Variants in SLC35E1 observed in about 807,000 individuals in gnomAD.
The protein encoded by SLC35E1 is solute carrier family 35, member E1.
In SLC35E1, 12 loss-of-function variants were observed where a neutral mutation model predicts 31.0. The ratio of observed to expected loss-of-function variants is 0.39; its 90% CI spans 0.25 to 0.63. SLC35E1 has a LOEUF of 0.63. SLC35E1 is among the 20% of genes least tolerant of loss of function. The pLI is 0.52. For missense variants in SLC35E1, 429 were observed against 572.2 expected (o/e 0.75, Z 2.55); for synonymous variants, 257 against 264.1 (o/e 0.97, Z 0.26).
rs111361593 is a variant in SLC35E1, at chr19:16,565,490, G to C, written c.756+1042C>G. 473 of 176,820 alleles carry C rather than the reference G, an allele frequency of 2.7e-3. 4 individuals carry two copies. Among genetic ancestry groups the C allele is most frequent in the African/African-American group, 0.011 (463 of 41,576 alleles). 11.0% of individuals were successfully genotyped at this position (176,820 alleles called of 1,614,324 possible). A position where few individuals can be genotyped will look rare whatever the true frequency, so the allele number is the denominator to read the frequency against. On this transcript the variant is annotated intron_variant, in intron 4 of 5. Coordinates refer to ENST00000595753, the MANE Select transcript of SLC35E1 (RefSeq NM_024881.5). ...CTCCCAAAGTGCTGGGATTATAGGC[G>C]TAAGCCACCACACCCAGGCAGCGCA...
In SLC35E1 at chr19:16,555,845, G is replaced by A. The variant is rs1336859496; in HGVS notation, c.757-448C>T. On this transcript the variant is annotated intron_variant, in intron 4 of 5. Coordinates refer to ENST00000595753, the MANE Select transcript of SLC35E1 (RefSeq NM_024881.5). The surrounding 1 kb of genome is among the most constrained non-coding windows in gnomAD (Gnocchi z 4.1). ...GCCACGGGTCTGCACCTATTGCTGC[G>A]AGGATGAACAGAATCATGGCTTTTG... The A allele has an allele frequency of 2.4e-5, 3 of 126,556 alleles. No homozygotes were observed. Among genetic ancestry groups the A allele is most frequent in the Admixed American group, 1.3e-4 (2 of 15,118 alleles). 7.8% of individuals were successfully genotyped at this position (126,556 alleles called of 1,614,324 possible).
At chr19:16,553,974 C>A in intron 5 of SLC35E1, 65 bp from the exon 6 acceptor site, 1 of 1,414,540 alleles carries the variant, frequency 7.1e-7, no homozygotes, top group South Asian at 1.4e-5. Context: ...AATTCAAAGT[C>A]AATCAACTGG....
intron 3 of SLC35E1, 122 bp downstream of exon 3, chr19:16,567,910 A>C (rs1599322009): frequency 7.5e-7 from 1 of 1,333,722 alleles, no homozygotes; most frequent in East Asian, 2.7e-5. Flanking sequence ...CAGAATGGCA[A>C]TCAAGATTTT....
chr19:16,566,570 G>T lies in SLC35E1; in HGVS notation c.718C>A (p.Leu240Met). The change falls in exon 4 of 6, where the codon CTG becomes ATG. Residue 240 changes from leucine (L) to methionine (M), a missense_variant. Leu to Met is a conservative substitution (Grantham distance 15). Transcript: ENST00000595753. ...ACCAGGAAAGCCGAGAGGTCCACCA[G>T]AACCCAGGTGGGGATCATAAAGAAG... Reference protein sequence around the residue: ...AVFFMIPTWVLVDLSAFLVSS... With the variant: ...AVFFMIPTWVMVDLSAFLVSS... The T allele has an allele frequency of 6.2e-7, 1 of 1,612,790 alleles. No homozygotes were observed. Among genetic ancestry groups the T allele is most frequent in the Non-Finnish European group, 8.5e-7 (1 of 1,180,028 alleles).
At chr19:16,553,984 G>T in intron 5 of SLC35E1, 75 bp from the exon 6 acceptor site, 1 of 1,338,504 alleles carries the variant, frequency 7.5e-7, no homozygotes, top group Non-Finnish European at 1.0e-6. Context: ...CAATCAACTG[G>T]CTGGCTGCGG....
At chr19:16,565,665 G>C (rs1359698785) in intron 4 of SLC35E1, 1 of 153,362 alleles carries the variant, frequency 6.5e-6, no homozygotes, top group African/African-American at 2.4e-5. Context: ...CTACAGGTGC[G>C]AGCCACCATG....
At position 16,568,115 on chromosome 19, in the gene SLC35E1, C is replaced by T; in HGVS notation, c.547G>A (p.Glu183Lys). The T allele has an allele frequency of 1.2e-6, 2 of 1,613,710 alleles. No homozygotes were observed. The highest frequency in any genetic ancestry group is 1.3e-5 in the African/African-American group (1 of 75,042). ...AGTCCCCACATGTCAAAAGACAACT[C>T]GGTGACGGTGGCCAGCAGGACACCG... The part of the protein sequence containing the change: ...ISGVLLATVT[E>K]LSFDMWGLVS... Residue 183 changes from glutamate to lysine, a missense_variant, in exon 3 of 6, where the codon GAG becomes AAG. Physicochemically the swap from Glu to Lys is moderately conservative, Grantham distance 56 (BLOSUM62 1). Coordinates refer to ENST00000595753, the MANE Select transcript of SLC35E1 (RefSeq NM_024881.5).
chr19:16,556,813 C>G (rs1166335919), intron 4 of SLC35E1: 2 of 469,772 alleles, frequency 4.3e-6, no homozygotes, highest in Non-Finnish European at 8.8e-6. Context: ...CCACTGCACT[C>G]CAAGAGAGAA....
chr19:16,556,376 G>A (rs1599316121), intron 4 of SLC35E1, among the ~76,000 whole-genome samples: 2 of 152,064 alleles, frequency 1.3e-5, no homozygotes, highest in East Asian at 3.9e-4. Context: ...AGGCATGGTG[G>A]TGCACACCTG....
chr19:16,572,279 C>G lies in SLC35E1; in HGVS notation c.86G>C (p.Arg29Pro), dbSNP rs2085964080. Residue 29 changes from arginine (R) to proline (P), a missense_variant, in exon 1 of 6, where the codon CGG (arginine) becomes CCG (proline). Coordinates refer to ENST00000595753, the MANE Select transcript of SLC35E1 (RefSeq NM_024881.5). This position sits in a 1 kb window ranked among gnomAD's most constrained non-coding sequence, Gnocchi z 4.1. ...SSSGGAREGA[R>P]VAALCLLWYA... Reference sequence around the variant, plus strand: ...CCACAGCAGGCACAGCGCCGCCACCCGCGCGCCCTCGCGCGCCCCACCACT... The same window carrying G: ...CCACAGCAGGCACAGCGCCGCCACCGGCGCGCCCTCGCGCGCCCCACCACT... 1 of 1,492,368 alleles carries G rather than the reference C, an allele frequency of 6.7e-7. No homozygotes were observed. The highest frequency in any genetic ancestry group is 8.9e-7 in the Non-Finnish European group (1 of 1,119,374). 92.4% of individuals were successfully genotyped at this position (1,492,368 alleles called of 1,614,324 possible). A position where few individuals can be genotyped will look rare whatever the true frequency, so the allele number is the denominator to read the frequency against.
chr19:16,571,369 C>T (rs962056212), intron 2 of SLC35E1, 143 bp downstream of exon 2: 2 of 767,802 alleles, frequency 2.6e-6, no homozygotes, highest in African/African-American at 3.4e-5. Context: ...TAGTAAAAGG[C>T]CACTGGAGAC....
At chr19:16,569,077 T>C (rs2085945415) in intron 2 of SLC35E1, among the ~76,000 whole-genome samples, 1 of 151,950 alleles carries the variant, frequency 6.6e-6, no homozygotes, top group Non-Finnish European at 1.5e-5. Flanking sequence ...CAGGATGGAA[T>C]GCAGTGGCAT....
intron 2 of SLC35E1, among the ~76,000 whole-genome samples, chr19:16,569,278 C>T (rs2085946381): frequency 6.6e-6 from 1 of 152,146 alleles, no homozygotes; most frequent in Non-Finnish European, 1.5e-5. Flanking sequence ...CCACCTTGGC[C>T]TCCCAAAGTG....
At chr19:16,556,305 C>T (rs535210768) in intron 4 of SLC35E1, among the ~76,000 whole-genome samples, 52 of 150,884 alleles carry the variant, frequency 3.4e-4, no homozygotes, top group African/African-American at 1.2e-3. Flanking sequence ...AAAAATCATT[C>T]GAGGGCAGCC....
At chr19:16,569,649 C>T (rs2085948090) in intron 2 of SLC35E1, among the ~76,000 whole-genome samples, 1 of 152,122 alleles carries the variant, frequency 6.6e-6, no homozygotes, top group Non-Finnish European at 1.5e-5. Context: ...AGTTTGAGAC[C>T]AGCCTGGCCA....
intron 3 of SLC35E1, 23 bp downstream of exon 3, chr19:16,568,009 G>A: frequency 6.3e-7 from 1 of 1,587,500 alleles, no homozygotes; most frequent in Non-Finnish European, 8.6e-7. Context: ...CCCCATGCAT[G>A]TCCGCTGATG....
intron 5 of SLC35E1, among the ~76,000 whole-genome samples, chr19:16,554,878 C>T (rs1212508308): frequency 1.3e-5 from 2 of 151,436 alleles, no homozygotes; most frequent in Non-Finnish European, 2.9e-5. Flanking sequence ...TGTTGGCCAT[C>T]CCATGTCCTT....
At position 16,572,262 on chromosome 19, in the gene SLC35E1, G is replaced by C; in HGVS notation, c.103C>G (p.Leu35Val). Residue 35 changes from leucine (L) to valine (V), a missense_variant, in exon 1 of 6, where the codon CTG (leucine) becomes GTG (valine). Coordinates refer to ENST00000595753, the MANE Select transcript of SLC35E1 (RefSeq NM_024881.5). The surrounding 1 kb of genome is among the most constrained non-coding windows in gnomAD (Gnocchi z 4.1). Reference sequence around the variant, plus strand: ...CCCGCGCTCAGCGCGTACCACAGCAGGCACAGCGCCGCCACCCGCGCGCCC... The same window carrying C: ...CCCGCGCTCAGCGCGTACCACAGCACGCACAGCGCCGCCACCCGCGCGCCC... ...REGARVAALC[L>V]LWYALSAGGN... The C allele has an allele frequency of 6.6e-7, 1 of 1,506,932 alleles. No individual in the cohort carries two copies. Among genetic ancestry groups the C allele is most frequent in the Non-Finnish European group, 8.9e-7 (1 of 1,126,750 alleles). The allele number at this position is 1,506,932 out of a possible 1,614,324, so 93.3% of individuals were successfully genotyped here.
intron 4 of SLC35E1, among the ~76,000 whole-genome samples, chr19:16,556,357 A>T (rs564422063): frequency 1.1e-3 from 168 of 152,196 alleles, no homozygotes; most frequent in African/African-American, 3.8e-3. Flanking sequence ...AAAAAAAAAA[A>T]AATTAGCCAG....
Sources: gnomAD v4.1 joint callset for allele counts (sites outside exome capture counted in the v4.1 genomes callset) on GRCh38, gnomAD v4.1.1 for gene constraint, Gnocchi (gnomAD v3.1) non-coding constraint, MANE v1.5 for transcripts, NCBI Gene and HGNC (gene_info 2026-07-23, HGNC 2026-07-21) for gene names.